Variants in RNF170 observed in about 807,000 individuals in gnomAD.
The protein encoded by RNF170 is E3 ubiquitin-protein ligase RNF170.
Under a neutral mutation model 32.7 loss-of-function variants are expected in RNF170, and 12 were observed. The observed-to-expected ratio is 0.37, with a 90% CI of 0.24 to 0.60. The LOEUF is 0.60. RNF170 is among the 20% of genes least tolerant of loss of function. The probability of loss-of-function intolerance (pLI) is 0.72; values close to 1 mark genes in which losing one functional copy is unlikely to be tolerated. For synonymous variants in RNF170, 91 were observed against 103.6 expected (o/e 0.88, Z 0.74); for missense variants, 212 against 311.2 (o/e 0.68, Z 2.40).
At chr8:42,897,165 C>G, upstream of RNF170, 3 of 1,249,150 alleles carry the variant, frequency 2.4e-6, no homozygotes, top group Non-Finnish European at 3.0e-6. Flanking sequence ...GCGGGCGGAG[C>G]TGTGCGAGAG....
At chr8:42,850,334 T>C, downstream of RNF170, 1 of 204,966 alleles carries the variant, frequency 4.9e-6, no homozygotes, top group Non-Finnish European at 1.0e-5. Flanking sequence ...CTTGAGATGA[T>C]CATCGGGCTG....
chr8:42,870,106 G>A lies in RNF170; in HGVS notation c.220C>T (p.Pro74Ser). 1 of 1,612,338 alleles carries A rather than the reference G, an allele frequency of 6.2e-7. No homozygotes were observed. The highest frequency in any genetic ancestry group is 8.5e-7 in the Non-Finnish European group (1 of 1,178,578). ...TAGAACTGCTGTCGAGTGGCAGCAG[G>A]TGCATCCTAATAAGAACACAGGTGC... is the stretch of plus-strand genomic sequence containing the variant. ...REQLQTEQDAPAATRQQFYTD... is the reference protein window; with the variant it reads ...REQLQTEQDASAATRQQFYTD... The change falls in exon 4 of 7, where the codon CCT (proline) becomes TCT (serine). Residue 74 changes from proline (P) to serine (S), a missense_variant. Physicochemically the swap from Pro to Ser is moderately conservative, Grantham distance 74. Transcript: ENST00000527424.
intron 2 of RNF170, among the ~76,000 whole-genome samples, chr8:42,874,872 T>C (rs996084883): frequency 2.0e-5 from 3 of 151,678 alleles, no homozygotes; most frequent in Admixed American, 1.3e-4. Context: ...AAACATCCCA[T>C]ATTGAAAGTC....
intron 2 of RNF170, among the ~76,000 whole-genome samples, chr8:42,876,170 A>G (rs1293849938): frequency 6.6e-6 from 1 of 151,622 alleles, no homozygotes; most frequent in Non-Finnish European, 1.5e-5. Context: ...GCTTCTTTCT[A>G]TAAGAAAGAA....
In RNF170 at chr8:42,887,698, C is replaced by A. The variant is rs763299494; in HGVS notation, c.137+30G>T. On this transcript the variant is annotated intron_variant, in intron 2 of 6. Coordinates refer to ENST00000527424, the MANE Select transcript of RNF170 (RefSeq NM_030954.4). ...CAAAAAGTCAGCAGCCCTTGCAAAT[C>A]TACTCAATTCTTTTGTCCTTAAATC... 3.1e-6 allele frequency: 5 copies of A among 1,612,148 alleles called. No homozygotes were observed. The East Asian group carries it at 1.1e-4, about 36-fold the overall frequency.
chr8:42,850,711 G>A (rs888827861), downstream of RNF170: 28 of 1,529,376 alleles, frequency 1.8e-5, no homozygotes, highest in African/African-American at 2.8e-5. Flanking sequence ...CCTGGGGTAA[G>A]GGGAGGGGAG....
In RNF170 at chr8:42,861,994, G is replaced by A. The variant is rs564116610; in HGVS notation, c.397-139C>T. 5.2e-5 allele frequency: 45 copies of A among 859,132 alleles called. 1 individual carries two copies. The South Asian group carries it at 7.2e-4, about 14-fold the overall frequency. 53.2% of individuals were successfully genotyped at this position (859,132 alleles called of 1,614,324 possible). A position where few individuals can be genotyped will look rare whatever the true frequency, so the allele number is the denominator to read the frequency against. ...TTTTAAATAAAGGCAACCTGGGGGA[G>A]GGGAGTAAGTAACTGCTTTGCAATA... On this transcript the variant is annotated intron_variant, in intron 5 of 6. Coordinates refer to ENST00000527424, the MANE Select transcript of RNF170 (RefSeq NM_030954.4).
At chr8:42,892,319 C>T (rs1045646593) in intron 1 of RNF170, among the ~76,000 whole-genome samples, 2 of 152,184 alleles carry the variant, frequency 1.3e-5, no homozygotes, top group African/African-American at 2.4e-5. Context: ...GTGTGCACCA[C>T]TAAGCTCAGT....
At chr8:42,896,407 CA>C (rs1274794161) in intron 1 of RNF170, 76 bp downstream of exon 1, 4 of 450,678 alleles carry the variant, frequency 8.9e-6, no homozygotes, top group Non-Finnish European at 1.8e-5. Flanking sequence ...AGAGCTACCC[CA>C]AGAAGGCCAG....
At chr8:42,888,733 T>C (rs544819631) in intron 1 of RNF170, among the ~76,000 whole-genome samples, 2 of 152,188 alleles carry the variant, frequency 1.3e-5, no homozygotes, top group African/African-American at 4.8e-5. Context: ...TACTCCAGCC[T>C]GGGAGACAGA....
At chr8:42,868,284 T>C (rs1804267490) in intron 4 of RNF170, among the ~76,000 whole-genome samples, 1 of 150,768 alleles carries the variant, frequency 6.6e-6, no homozygotes, top group Non-Finnish European at 1.5e-5. Context: ...ACACTGTATC[T>C]AATAATTCTA....
intron 6 of RNF170, among the ~76,000 whole-genome samples, chr8:42,857,347 C>G (rs1244826351): frequency 2.0e-5 from 3 of 152,206 alleles, no homozygotes; most frequent in Non-Finnish European, 4.4e-5. Flanking sequence ...TAATCACTTC[C>G]TATGTTCTGT....
intron 2 of RNF170, among the ~76,000 whole-genome samples, chr8:42,884,953 C>T (rs1324811708): frequency 6.6e-6 from 1 of 151,676 alleles, no homozygotes; most frequent in African/African-American, 2.4e-5. Flanking sequence ...CCGCCTGCCT[C>T]AGCCTCCCAA....
rs561082798 is a variant in RNF170, at chr8:42,890,722, G to A, written c.-7-2851C>T. On this transcript the variant is annotated intron_variant, in intron 1 of 6. Coordinates refer to ENST00000527424, the MANE Select transcript of RNF170 (RefSeq NM_030954.4). ...GCGGTGTTGAGAGGAAAAGGGAAGG[G>A]CACTGCATTTTCTTGTCCCATGGAA... Among the ~76,000 whole-genome samples the A allele has an allele frequency of 6.6e-5, 10 of 152,268 alleles. No individual in the cohort carries two copies. The East Asian group carries it at 1.2e-3, about 18-fold the overall frequency.
At chr8:42,874,235 G>A (rs987651628) in intron 2 of RNF170, among the ~76,000 whole-genome samples, 3 of 152,144 alleles carry the variant, frequency 2.0e-5, no homozygotes, top group African/African-American at 7.2e-5. Flanking sequence ...AAAATCCAGA[G>A]GCCTAGTACC....
chr8:42,876,121 T>C (rs1011562684), intron 2 of RNF170, among the ~76,000 whole-genome samples: 11 of 151,950 alleles, frequency 7.2e-5, no homozygotes, highest in African/African-American at 2.7e-4. Flanking sequence ...CATTTCAGAA[T>C]ACAGACATGA....
chr8:42,865,815 C>T (rs1804039954), intron 4 of RNF170, among the ~76,000 whole-genome samples: 1 of 152,126 alleles, frequency 6.6e-6, no homozygotes, highest in African/African-American at 2.4e-5. Context: ...GAAACCCCGT[C>T]TCTACTAAAA....
upstream of RNF170, chr8:42,897,263 TG>T: frequency 9.6e-7 from 1 of 1,039,610 alleles, no homozygotes. Flanking sequence ...GCGCGGCCCG[TG>T]GGGCGAGCGC....
chr8:42,897,077 G>T, upstream of RNF170: 1 of 1,220,010 alleles, frequency 8.2e-7, no homozygotes, highest in Non-Finnish European at 1.0e-6. Context: ...TCCCCCGACA[G>T]AGCGGCGGCG....
Sources: allele counts gnomAD v4.1 joint callset (sites outside exome capture counted in the v4.1 genomes callset), GRCh38; gene constraint gnomAD v4.1.1; transcripts MANE v1.5; gene names NCBI Gene and HGNC (gene_info 2026-07-23, HGNC 2026-07-21).